Variants in CORO2A observed in about 807,000 individuals in gnomAD.
CORO2A encodes the protein coronin 2A, also known as coronin-2A.
CORO2A carries 47 observed loss-of-function variants against 62.4 expected under a neutral mutation model. The ratio of observed to expected loss-of-function variants is 0.75; its 90% CI spans 0.60 to 0.96. The LOEUF is 0.96. Among genes scored for constraint, CORO2A ranks in the 40% least tolerant of loss-of-function variants. CORO2A has a pLI of 0.00. For missense variants in CORO2A, 610 were observed against 684.1 expected, an observed-to-expected ratio of 0.89 and a Z score of 1.21; for synonymous variants, 273 against 268.9, an observed-to-expected ratio of 1.02 and a Z score of -0.15.
intron 5 of CORO2A, 51 bp downstream of exon 5, chr9:98,132,987 C>A: frequency 1.2e-6 from 2 of 1,601,174 alleles, no homozygotes; most frequent in Non-Finnish European, 1.7e-6. Flanking sequence ...TCTGTCCCCA[C>A]TCTGCTCCTT....
In CORO2A at chr9:98,128,723, A is replaced by G; in HGVS notation, c.968-4T>C. 6.2e-7 allele frequency: 1 copy of G among 1,613,348 alleles called. No homozygotes were observed. Among genetic ancestry groups the G allele is most frequent in the Non-Finnish European group, 8.5e-7 (1 of 1,179,372 alleles). On this transcript the variant is annotated splice_region_variant and splice_polypyrimidine_tract_variant and intron_variant, in intron 8 of 11. Coordinates refer to ENST00000375077, the MANE Select transcript of CORO2A (RefSeq NM_052820.4). ...AGTCCTCTCTTTGGCATGACACCTGAAGGCAGACAGGGAGGGCCAAGAGGT... is the reference window on the plus strand; with the variant it reads ...AGTCCTCTCTTTGGCATGACACCTGGAGGCAGACAGGGAGGGCCAAGAGGT...
chr9:98,125,115 T>C (rs918227460), intron 11 of CORO2A, among the ~76,000 whole-genome samples: 1 of 152,206 alleles, frequency 6.6e-6, no homozygotes, highest in Non-Finnish European at 1.5e-5. Context: ...ATGTTTCAGA[T>C]GTATTTTGCT....
intron 2 of CORO2A, among the ~76,000 whole-genome samples, chr9:98,140,215 A>T (rs1827546902): frequency 6.6e-6 from 1 of 152,122 alleles, no homozygotes; most frequent in Non-Finnish European, 1.5e-5. Flanking sequence ...TGAGAAGAAA[A>T]CTGGCCAACA....
chr9:98,125,693 C>A (rs1410159766), intron 11 of CORO2A, among the ~76,000 whole-genome samples: 11 of 149,488 alleles, frequency 7.4e-5, no homozygotes, highest in African/African-American at 2.7e-4. Context: ...CTCCATTTTA[C>A]AGATGGTTTC....
intron 2 of CORO2A, among the ~76,000 whole-genome samples, chr9:98,142,104 C>T (rs1439702051): frequency 6.6e-6 from 1 of 152,174 alleles, no homozygotes; most frequent in Non-Finnish European, 1.5e-5. Context: ...AAAAATGGGT[C>T]CATCCAGGAT....
intron 1 of CORO2A, among the ~76,000 whole-genome samples, chr9:98,191,176 G>A (rs1215470217): frequency 1.3e-5 from 2 of 152,242 alleles, no homozygotes; most frequent in Non-Finnish European, 2.9e-5. Flanking sequence ...AGGCATCAGG[G>A]AGGTGGAGAA....
chr9:98,126,606 G>C lies in CORO2A; in HGVS notation c.1389C>G (p.Thr463=). ...AAEHRLEEKK[T]WLTNGFDVFE... ...AAACGTCAAAGCCATTTGTCAGCCA[G>C]GTTTTCTTCTCCTCCAGCCTGTGTT... Residue 463 remains threonine, a synonymous_variant, in exon 11 of 12, where the codon ACC becomes ACG. Transcript: ENST00000375077. The C allele has an allele frequency of 6.2e-7, 1 of 1,614,054 alleles. No homozygotes were observed. The highest frequency in any genetic ancestry group is 1.1e-5 in the South Asian group (1 of 91,082).
At chr9:98,129,963 A>G in intron 7 of CORO2A, 73 bp from the exon 8 acceptor site, 2 of 1,214,280 alleles carry the variant, frequency 1.6e-6, no homozygotes, top group East Asian at 2.3e-5. Context: ...CAACCCAGCC[A>G]TGCAGCAAAG....
chr9:98,130,081 T>C (rs78348574), intron 7 of CORO2A, among the ~76,000 whole-genome samples, 191 bp from the exon 8 acceptor site: 1,987 of 152,212 alleles, frequency 0.013, 39 homozygotes, highest in African/African-American at 0.044. Context: ...ATTCATTTTA[T>C]TTTAGATTTT....
intron 1 of CORO2A, among the ~76,000 whole-genome samples, chr9:98,160,550 G>A (rs73657105): frequency 0.02 from 3,083 of 152,314 alleles, 74 homozygotes; most frequent in African/African-American, 0.056. Flanking sequence ...GGTACTGGGG[G>A]TCCCCTTGGA....
chr9:98,187,048 G>T (rs906704134), intron 1 of CORO2A, among the ~76,000 whole-genome samples: 1 of 152,094 alleles, frequency 6.6e-6, no homozygotes, highest in Non-Finnish European at 1.5e-5. Flanking sequence ...GGGAGGCTGA[G>T]GGGGGCAGAT....
intron 2 of CORO2A, among the ~76,000 whole-genome samples, chr9:98,143,343 A>G (rs1166122517): frequency 6.6e-6 from 1 of 152,220 alleles, no homozygotes. Context: ...CAGTCAAGGG[A>G]GCAGCTGTTC....
At chr9:98,154,685 T>G (rs1827779622) in intron 2 of CORO2A, among the ~76,000 whole-genome samples, 1 of 152,200 alleles carries the variant, frequency 6.6e-6, no homozygotes, top group Non-Finnish European at 1.5e-5. Flanking sequence ...TAATTTAAGG[T>G]TAATTAAATG....
chr9:98,153,055 C>T (rs968490633), intron 2 of CORO2A, among the ~76,000 whole-genome samples: 6 of 152,110 alleles, frequency 3.9e-5, no homozygotes, highest in East Asian at 3.9e-4. Flanking sequence ...AGATACAGAC[C>T]GAAGTACAGT....
At chr9:98,153,615 C>T (rs1201421455) in intron 2 of CORO2A, among the ~76,000 whole-genome samples, 1 of 150,546 alleles carries the variant, frequency 6.6e-6, no homozygotes, top group African/African-American at 2.5e-5. Flanking sequence ...TGCTATACTG[C>T]CCAGGCTATA....
chr9:98,142,137 A>C (rs1587997366), intron 2 of CORO2A, among the ~76,000 whole-genome samples: 1 of 152,378 alleles, frequency 6.6e-6, no homozygotes, highest in East Asian at 1.9e-4. Flanking sequence ...TCTGTTATAA[A>C]ACTGTAGCTC....
intron 1 of CORO2A, among the ~76,000 whole-genome samples, chr9:98,190,607 G>A (rs1828294707): frequency 6.6e-6 from 1 of 152,094 alleles, no homozygotes; most frequent in African/African-American, 2.4e-5. Context: ...GACGTCTGAA[G>A]GCTCCTTTCA....
chr9:98,147,777 C>T (rs1827663147), intron 2 of CORO2A, among the ~76,000 whole-genome samples: 1 of 152,134 alleles, frequency 6.6e-6, no homozygotes, highest in African/African-American at 2.4e-5. Context: ...CACTCCTGGC[C>T]CTTTATGCCA....
At chr9:98,136,692 T>C (rs1187211050) in intron 3 of CORO2A, among the ~76,000 whole-genome samples, 1 of 152,230 alleles carries the variant, frequency 6.6e-6, no homozygotes, top group African/African-American at 2.4e-5. Context: ...TTGCTGTACC[T>C]CTCTGATCCT....
Sources: gnomAD v4.1 joint callset for allele counts (sites outside exome capture counted in the v4.1 genomes callset) on GRCh38, gnomAD v4.1.1 for gene constraint, MANE v1.5 for transcripts, NCBI Gene and HGNC (gene_info 2026-07-23, HGNC 2026-07-21) for gene names.